The following ADAMTSL1 variants were observed in gnomAD, a reference collection of about 807,000 sequenced individuals.
ADAMTSL1 encodes ADAMTS-like protein 1.
ADAMTSL1 carries 126 observed loss-of-function variants against 201.8 expected under a neutral mutation model. That is an observed-to-expected ratio of 0.62 (90% CI 0.54 to 0.72). ADAMTSL1 has a LOEUF of 0.72. Ranked by LOEUF, ADAMTSL1 falls within the 30% of genes least tolerant of loss-of-function variation. The probability of loss-of-function intolerance (pLI) is 0.00; values close to 1 mark genes in which losing one functional copy is unlikely to be tolerated. For synonymous variants in ADAMTSL1, 1,121 were observed against 903.4 expected (o/e 1.24, Z -4.32); for missense variants, 2,679 against 2,277.8 (o/e 1.18, Z -3.59).
chr9:18,649,705 T>G (rs866209363), intron 7 of ADAMTSL1, among the ~76,000 whole-genome samples: 15 of 152,160 alleles, frequency 9.9e-5, no homozygotes, highest in Non-Finnish European at 1.3e-4. Flanking sequence ...GAACTGCAGA[T>G]TTTCATGAAC....
chr9:18,400,835 C>G (rs961092163), intron 2 of ADAMTSL1, among the ~76,000 whole-genome samples: 1 of 152,282 alleles, frequency 6.6e-6, no homozygotes, highest in Non-Finnish European at 1.5e-5. Context: ...CGTGCCATGA[C>G]ATTAGGTGAT....
At chr9:18,549,137 A>T (rs1420688052) in intron 3 of ADAMTSL1, among the ~76,000 whole-genome samples, 1 of 152,010 alleles carries the variant, frequency 6.6e-6, no homozygotes, top group Non-Finnish European at 1.5e-5. Flanking sequence ...GCTGAACAGG[A>T]AAAATAAAAA....
intron 1 of ADAMTSL1, among the ~76,000 whole-genome samples, chr9:18,149,558 C>A (rs1239500033): frequency 6.6e-6 from 1 of 151,994 alleles, no homozygotes; most frequent in East Asian, 1.9e-4. Context: ...AGAAAAGCAT[C>A]ATCTCAGGCC....
At chr9:18,137,490 C>T (rs1439352665) in intron 1 of ADAMTSL1, among the ~76,000 whole-genome samples, 2 of 152,068 alleles carry the variant, frequency 1.3e-5, no homozygotes, top group African/African-American at 4.8e-5. Context: ...CCATTAGTCT[C>T]AGTGGTTAAA....
At chr9:18,071,220 C>A (rs1211960591) in intron 1 of ADAMTSL1, among the ~76,000 whole-genome samples, 1 of 152,176 alleles carries the variant, frequency 6.6e-6, no homozygotes, top group Non-Finnish European at 1.5e-5. Flanking sequence ...TGAGCAGGCT[C>A]TAGAACTATA....
intron 2 of ADAMTSL1, among the ~76,000 whole-genome samples, chr9:18,439,679 T>C (rs947553082): frequency 3.3e-5 from 5 of 152,200 alleles, no homozygotes; most frequent in African/African-American, 1.2e-4. Flanking sequence ...ATAACTTTTT[T>C]AAAAAATGAA....
At chr9:18,718,284 T>C (rs933824773) in intron 14 of ADAMTSL1, 5 of 751,106 alleles carry the variant, frequency 6.7e-6, no homozygotes, top group Non-Finnish European at 1.2e-5. Flanking sequence ...TTTGATGGAA[T>C]AAACTAATGC....
intron 1 of ADAMTSL1, among the ~76,000 whole-genome samples, chr9:17,971,074 T>G (rs1460510230): frequency 2.6e-5 from 4 of 152,100 alleles, no homozygotes; most frequent in African/African-American, 9.7e-5. Context: ...TAACTAATTT[T>G]GTTCATATGG....
At chr9:18,199,893 T>A (rs1431556412) in intron 2 of ADAMTSL1, among the ~76,000 whole-genome samples, 1 of 94,376 alleles carries the variant, frequency 1.1e-5, no homozygotes, top group Non-Finnish European at 2.6e-5. Flanking sequence ...CTTGCTAAAT[T>A]TTTTTTCCTG....
intron 4 of ADAMTSL1, among the ~76,000 whole-genome samples, chr9:18,607,785 T>A (rs1180305883): frequency 6.6e-6 from 1 of 150,554 alleles, no homozygotes; most frequent in Non-Finnish European, 1.5e-5. Context: ...TGTCCCTGTG[T>A]TCTCATTGTT....
intron 2 of ADAMTSL1, among the ~76,000 whole-genome samples, chr9:18,284,230 A>G (rs930307796): frequency 6.6e-6 from 1 of 152,084 alleles, no homozygotes; most frequent in Non-Finnish European, 1.5e-5. Context: ...ACTCCATCTC[A>G]AAAAAATAAA....
chr9:18,829,842 G>C lies in ADAMTSL1; in HGVS notation c.4115-1G>C, dbSNP rs1249316553. On this transcript the variant is annotated splice_acceptor_variant, in intron 22 of 28. Transcript: ENST00000380548. LOFTEE classifies it high-confidence loss of function. ...CTGATCCACCCTCTGCCTTCTCACA[G>C]ATCCCCCCCAAGTCCCCACACAGTT... 1 of 1,613,856 alleles carries C rather than the reference G, an allele frequency of 6.2e-7. No individual in the cohort carries two copies. Among genetic ancestry groups the C allele is most frequent in the South Asian group, 1.1e-5 (1 of 91,064 alleles).
chr9:18,877,959 A>G (rs1382767949), intron 23 of ADAMTSL1, among the ~76,000 whole-genome samples: 1 of 152,082 alleles, frequency 6.6e-6, no homozygotes, highest in Non-Finnish European at 1.5e-5. Context: ...GGACTGCTAT[A>G]GGGGATTGGG....
chr9:18,373,192 C>A (rs2133138227), intron 2 of ADAMTSL1, among the ~76,000 whole-genome samples: 1 of 152,294 alleles, frequency 6.6e-6, no homozygotes, highest in Admixed American at 6.5e-5. Flanking sequence ...GATCGTTAAT[C>A]CTTATGTCAC....
At chr9:18,845,192 G>T (rs115100875) in intron 23 of ADAMTSL1, among the ~76,000 whole-genome samples, 4 of 152,130 alleles carry the variant, frequency 2.6e-5, no homozygotes, top group African/African-American at 9.7e-5. Flanking sequence ...CTCAAGTGTC[G>T]GCAGCACACT....
At chr9:18,229,416 C>T (rs1436292562) in intron 2 of ADAMTSL1, among the ~76,000 whole-genome samples, 2 of 152,052 alleles carry the variant, frequency 1.3e-5, no homozygotes, top group Non-Finnish European at 2.9e-5. Context: ...TGTTTTGAAT[C>T]GTGCCTGCCC....
intron 2 of ADAMTSL1, among the ~76,000 whole-genome samples, chr9:18,294,526 T>G (rs935407438): frequency 4.6e-5 from 7 of 152,130 alleles, no homozygotes; most frequent in Non-Finnish European, 1.0e-4. Context: ...TGGGTTGCCT[T>G]TTTCCAGGTT....
At position 18,684,702 on chromosome 9, in the gene ADAMTSL1, C is replaced by T; in HGVS notation, c.1490-14C>T. The T allele has an allele frequency of 6.2e-7, 1 of 1,611,422 alleles. No individual in the cohort carries two copies. The highest frequency in any genetic ancestry group is 8.5e-7 in the Non-Finnish European group (1 of 1,178,990). ...TAACCTCTTCTTTTGTATGTGCATG[C>T]ACTGAATTCTCAGAGAAACTTCCAG... On this transcript the variant is annotated splice_polypyrimidine_tract_variant and intron_variant, in intron 12 of 28. Coordinates refer to ENST00000380548, the MANE Select transcript of ADAMTSL1 (RefSeq NM_001040272.6).
intron 1 of ADAMTSL1, 45 bp downstream of exon 1, chr9:18,474,340 T>C (rs1039613722): frequency 6.3e-7 from 1 of 1,590,062 alleles, no homozygotes; most frequent in Non-Finnish European, 8.6e-7. Context: ...CCATTGAGTC[T>C]GGGTGCTGTT....
Sources: gnomAD v4.1 joint callset for allele counts (sites outside exome capture counted in the v4.1 genomes callset) on GRCh38, gnomAD v4.1.1 for gene constraint, MANE v1.5 for transcripts, NCBI Gene and HGNC (gene_info 2026-07-23, HGNC 2026-07-21) for gene names.